The following SCARB2 variants were observed in gnomAD, a reference collection of about 807,000 sequenced individuals.
SCARB2 encodes scavenger receptor class B member 2, also known as lysosome membrane protein 2.
In SCARB2, 29 loss-of-function variants were observed where a neutral mutation model predicts 58.6. That is an observed-to-expected ratio of 0.49 (90% CI 0.37 to 0.67). SCARB2 has a LOEUF of 0.67. Among genes scored for constraint, SCARB2 ranks in the 30% least tolerant of loss-of-function variants. The pLI is 0.00. For synonymous variants in SCARB2, 195 were observed against 210.1 expected (o/e 0.93, Z 0.62); for missense variants, 488 against 578.5 (o/e 0.84, Z 1.60).
In SCARB2 at chr4:76,209,911, G is replaced by A. The variant is rs76559471; in HGVS notation, c.117+3516C>T. Among the ~76,000 whole-genome samples the A allele has an allele frequency of 6.5e-3, 987 of 152,332 alleles. 7 individuals are homozygous for A. The highest frequency in any genetic ancestry group is 0.022 in the African/African-American group (929 of 41,572). ...ATCCCATCCCTTGTTGGCCAGCCCT[G>A]ACTGTGGCCAGTTCTGCATCCCTAT... On this transcript the variant is annotated intron_variant, in intron 1 of 11. Coordinates refer to ENST00000264896, the MANE Select transcript of SCARB2 (RefSeq NM_005506.4).
At chr4:76,226,496 A>T (rs1156996949) in intron 1 of SCARB2, among the ~76,000 whole-genome samples, 1 of 152,154 alleles carries the variant, frequency 6.6e-6, no homozygotes, top group Non-Finnish European at 1.5e-5. Flanking sequence ...CCTGGATTCC[A>T]TCCAAGCCAC....
At chr4:76,179,244 G>C (rs1349121963) in intron 4 of SCARB2, 6 of 426,434 alleles carry the variant, frequency 1.4e-5, no homozygotes, top group Non-Finnish European at 2.6e-5. Context: ...AGTAGAGATA[G>C]AGTTTTGCCA....
intron 1 of SCARB2, among the ~76,000 whole-genome samples, chr4:76,232,016 T>A (rs1733502223): frequency 6.6e-6 from 1 of 152,220 alleles, no homozygotes; most frequent in South Asian, 2.1e-4. Flanking sequence ...CCTATTGCAC[T>A]GATGTAAACA....
At chr4:76,230,770 G>A (rs969549407) in intron 1 of SCARB2, among the ~76,000 whole-genome samples, 1 of 152,054 alleles carries the variant, frequency 6.6e-6, no homozygotes, top group Non-Finnish European at 1.5e-5. Context: ...GGGTTTAGGG[G>A]GTGAAAATCT....
chr4:76,175,977 C>T (rs1732244249), intron 5 of SCARB2, 67 bp from the exon 6 acceptor site: 1 of 1,583,266 alleles, frequency 6.3e-7, no homozygotes, highest in Non-Finnish European at 8.6e-7. Flanking sequence ...CTTAAATGGT[C>T]AGGACTTTGC....
intron 1 of SCARB2, among the ~76,000 whole-genome samples, chr4:76,203,049 T>C (rs745384530): frequency 6.6e-6 from 1 of 152,182 alleles, no homozygotes; most frequent in Non-Finnish European, 1.5e-5. Context: ...TGGAATGCAG[T>C]GGTGCAATCT....
chr4:76,197,052 C>T (rs1165932688), intron 1 of SCARB2, among the ~76,000 whole-genome samples: 9 of 152,220 alleles, frequency 5.9e-5, no homozygotes, highest in Admixed American at 2.0e-4. Context: ...ACACGCAGAA[C>T]TGACAGCCCT....
At chr4:76,166,601 A>C (rs1354703341) in intron 9 of SCARB2, 4 of 479,336 alleles carry the variant, frequency 8.3e-6, no homozygotes, top group East Asian at 4.0e-5. Flanking sequence ...CAAAACTGTC[A>C]CTCCTCAGAG....
intron 10 of SCARB2, chr4:76,164,809 AAAAG>A (rs1731968652): frequency 6.7e-6 from 1 of 149,928 alleles, no homozygotes; most frequent in Non-Finnish European, 1.5e-5. Context: ...AAAAAAAAAG[AAAAG>A]AAAGCATTTT....
chr4:76,198,760 T>C (rs944054730), intron 1 of SCARB2, among the ~76,000 whole-genome samples: 9 of 152,128 alleles, frequency 5.9e-5, no homozygotes, highest in African/African-American at 2.2e-4. Flanking sequence ...ATATGTCTCT[T>C]TTCCTCCACC....
At chr4:76,194,388 T>C (rs753090549) in intron 2 of SCARB2, 3 of 152,208 alleles carry the variant, frequency 2.0e-5, no homozygotes, top group Non-Finnish European at 4.4e-5. Context: ...GACTCAATCT[T>C]TGTAAAAACC....
At position 76,179,378 on chromosome 4, in the gene SCARB2, A is replaced by T. The variant is rs1732331354; in HGVS notation, c.612+139T>A. 13 of 698,474 alleles carry T rather than the reference A, an allele frequency of 1.9e-5. No individual in the cohort carries two copies. In the South Asian group the frequency reaches 2.2e-4, roughly 12 times the overall value. The allele number at this position is 698,474 out of a possible 1,614,324, so 43.3% of individuals were successfully genotyped here. A position where few individuals can be genotyped will look rare whatever the true frequency, so the allele number is the denominator to read the frequency against. The stretch of plus-strand genomic sequence containing the variant: ...CTCAAGTTTTTTTTCTTTCCAAAAA[A>T]CACTCCATTTTTCACACACTCTATA... On this transcript the variant is annotated intron_variant, in intron 4 of 11. Coordinates refer to ENST00000264896, the MANE Select transcript of SCARB2 (RefSeq NM_005506.4).
chr4:76,163,262 G>A lies in SCARB2; in HGVS notation c.1361C>T (p.Thr454Ile), dbSNP rs746377398. Reference sequence around the variant, plus strand: ...TCCCTGTCCTTTGCATGCAAGCCAGGTAAAAACCAAACCAAAGAACACACC... The same window carrying A: ...TCCCTGTCCTTTGCATGCAAGCCAGATAAAAACCAAACCAAAGAACACACC... ...ALGVFFGLVF[T>I]WLACKGQGSM... Residue 454 changes from threonine to isoleucine, a missense_variant, in exon 11 of 12, where the codon ACC becomes ATC. Coordinates refer to ENST00000264896, the MANE Select transcript of SCARB2 (RefSeq NM_005506.4). 1.3e-5 allele frequency: 21 copies of A among 1,614,028 alleles called. No homozygotes were observed. Among genetic ancestry groups the A allele is most frequent in the Non-Finnish European group, 1.6e-5 (19 of 1,180,038 alleles).
chr4:76,207,025 T>C (rs371679339), intron 1 of SCARB2, among the ~76,000 whole-genome samples: 2 of 152,206 alleles, frequency 1.3e-5, no homozygotes, highest in Admixed American at 1.3e-4. Flanking sequence ...TTTTTAAAAA[T>C]ATTCTAAAAA....
chr4:76,179,592 G>A lies in SCARB2; in HGVS notation c.537C>T (p.Gly179=), dbSNP rs1732336265. The change falls in exon 4 of 12, where the codon GGC becomes GGT. Residue 179 remains glycine (G), a synonymous_variant. Transcript: ENST00000264896. The part of the protein sequence containing the change: ...VTHTVDELLW[G]YKDEILSLIH... ...TAAGGGACAAGATTTCATCTTTGTA[G>A]CCCCAGAGCAATTCGTCAACTGTGT... 1.9e-6 allele frequency: 3 copies of A among 1,613,972 alleles called. No individual in the cohort carries two copies. In the South Asian group the frequency reaches 3.3e-5, roughly 18 times the overall value.
chr4:76,165,958 C>T, intron 10 of SCARB2: 1 of 516,812 alleles, frequency 1.9e-6, no homozygotes, highest in Non-Finnish European at 3.5e-6. Context: ...ACAATGTCTG[C>T]CAATGGCTCC....
At chr4:76,224,272 T>C (rs143513427) in intron 1 of SCARB2, among the ~76,000 whole-genome samples, 136 of 152,330 alleles carry the variant, frequency 8.9e-4, no homozygotes, top group African/African-American at 3.2e-3. Context: ...GCCATCTGTG[T>C]TAATTGCCTT....
chr4:76,219,810 C>T (rs527341400), intron 1 of SCARB2, among the ~76,000 whole-genome samples: 2 of 152,178 alleles, frequency 1.3e-5, no homozygotes, highest in South Asian at 2.1e-4. Flanking sequence ...ACCTGGTCCC[C>T]GCATGACTTC....
Position 76,161,617 on chromosome 4 carries a change from A to G in SCARB2, c.*96T>C. The G allele has an allele frequency of 7.5e-7, 1 of 1,327,504 alleles. No homozygotes were observed. Among genetic ancestry groups the G allele is most frequent in the South Asian group, 1.2e-5 (1 of 85,200 alleles). The allele number at this position is 1,327,504 out of a possible 1,614,324, so 82.2% of individuals were successfully genotyped here. On this transcript the variant is annotated 3_prime_UTR_variant, in exon 12 of 12. Coordinates refer to ENST00000264896, the MANE Select transcript of SCARB2 (RefSeq NM_005506.4). ...GCGCCGTGTCTTTTTCCTTCTTTCA[A>G]CAGGCAACAAGCCTGCAAGGAGGTG...
Sources: allele counts gnomAD v4.1 joint callset (sites outside exome capture counted in the v4.1 genomes callset), GRCh38; gene constraint gnomAD v4.1.1; transcripts MANE v1.5; gene names NCBI Gene and HGNC (gene_info 2026-07-23, HGNC 2026-07-21).